Variants in ZDHHC14 observed in about 807,000 individuals in gnomAD.
ZDHHC14 encodes the protein palmitoyltransferase ZDHHC14.
Under a neutral mutation model 47.7 loss-of-function variants are expected in ZDHHC14, and 16 were observed. The observed-to-expected ratio is 0.34, with a 90% confidence interval of 0.23 to 0.51. The LOEUF is 0.51. Ranked by LOEUF, ZDHHC14 falls within the 20% of genes least tolerant of loss-of-function variation. The probability of loss-of-function intolerance (pLI) is 0.97; values close to 1 mark genes in which losing one functional copy is unlikely to be tolerated. For missense variants in ZDHHC14, 515 were observed against 662.5 expected (o/e 0.78, Z 2.44); for synonymous variants, 293 against 278.9 (o/e 1.05, Z -0.50).
intron 5 of ZDHHC14, among the ~76,000 whole-genome samples, chr6:157,640,119 C>A (rs1015391096): frequency 6.6e-6 from 1 of 152,214 alleles, no homozygotes; most frequent in African/African-American, 2.4e-5. Context: ...CCACAGGGGC[C>A]CTGGGCCTCC....
At chr6:157,622,340 G>A (rs1168283605) in intron 3 of ZDHHC14, among the ~76,000 whole-genome samples, 2 of 151,964 alleles carry the variant, frequency 1.3e-5, no homozygotes, top group East Asian at 1.9e-4. Context: ...GCAATGAGCC[G>A]AGATCATACC....
At chr6:157,492,189 A>G in intron 1 of ZDHHC14, among the ~76,000 whole-genome samples, 1 of 119,154 alleles carries the variant, frequency 8.4e-6, no homozygotes, top group African/African-American at 3.6e-5. Context: ...GACCCTCAAC[A>G]TCCCCCCTCC....
intron 1 of ZDHHC14, among the ~76,000 whole-genome samples, chr6:157,418,435 T>A (rs1171576951): frequency 1.3e-5 from 2 of 152,216 alleles, no homozygotes; most frequent in Non-Finnish European, 2.9e-5. Context: ...AAGCTGAGTG[T>A]GTTGCACTTT....
intron 2 of ZDHHC14, among the ~76,000 whole-genome samples, chr6:157,576,420 A>G (rs1783312292): frequency 6.6e-6 from 1 of 152,226 alleles, no homozygotes; most frequent in African/African-American, 2.4e-5. Flanking sequence ...ATCATTGTTA[A>G]TATTTTCCTG....
intron 5 of ZDHHC14, among the ~76,000 whole-genome samples, chr6:157,642,037 G>GATAGATAT (rs1554277122): frequency 2.0e-5 from 3 of 147,854 alleles, no homozygotes; most frequent in African/African-American, 7.6e-5. Context: ...TAGATAGATA[G>GATAGATAT]ATAGATAGAT....
chr6:157,653,635 T>C lies in ZDHHC14; in HGVS notation c.1068+8T>C. 6.2e-7 allele frequency: 1 copy of C among 1,611,138 alleles called. No individual in the cohort carries two copies. Among genetic ancestry groups the C allele is most frequent in the East Asian group, 2.2e-5 (1 of 44,822 alleles). ...CAGTCACAGAGTGACATGGTAGGAG[T>C]GGGGGCCACTGCTCCCTGCGAGGGC... On this transcript the variant is annotated splice_region_variant and intron_variant, in intron 8 of 8. Transcript: ENST00000359775.
At chr6:157,482,260 CTTT>C (rs1231434907) in intron 1 of ZDHHC14, among the ~76,000 whole-genome samples, 6 of 127,542 alleles carry the variant, frequency 4.7e-5, no homozygotes, top group Admixed American at 8.3e-5. Flanking sequence ...CTTTTCTTTT[CTTT>C]TTTTTTTTTT....
chr6:157,652,922 G>A (rs554283890), intron 7 of ZDHHC14, among the ~76,000 whole-genome samples: 1 of 152,324 alleles, frequency 6.6e-6, no homozygotes, highest in Admixed American at 6.5e-5. Context: ...GGGGAGAGAG[G>A]AGGAAGGGGG....
chr6:157,647,787 A>G (rs1562527792), intron 7 of ZDHHC14, among the ~76,000 whole-genome samples: 1 of 152,226 alleles, frequency 6.6e-6, no homozygotes, highest in Non-Finnish European at 1.5e-5. Flanking sequence ...AGAAATGTTC[A>G]TAGGGAGAAA....
intron 1 of ZDHHC14, among the ~76,000 whole-genome samples, chr6:157,488,535 A>G (rs1779835973): frequency 6.6e-6 from 1 of 152,214 alleles, no homozygotes; most frequent in Admixed American, 6.5e-5. Flanking sequence ...TACCCTTTTT[A>G]GGGGTACTTT....
At position 157,675,003 on chromosome 6, in the gene ZDHHC14, G is replaced by A. The variant is rs1324616272; in HGVS notation, c.*1881G>A. On this transcript the variant is annotated 3_prime_UTR_variant, in exon 9 of 9. Coordinates refer to ENST00000359775, the MANE Select transcript of ZDHHC14 (RefSeq NM_024630.3). The stretch of plus-strand genomic sequence containing the variant: ...ACACGCTCACAGGCACCAACTCACA[G>A]GGATTCTCCTTGTCCACGCTACCTG... 1 of 152,236 alleles carries A rather than the reference G, an allele frequency of 6.6e-6. No individual in the cohort carries two copies. The highest frequency in any genetic ancestry group is 1.5e-5 in the Non-Finnish European group (1 of 68,062). 9.4% of individuals were successfully genotyped at this position (152,236 alleles called of 1,614,324 possible). A position where few individuals can be genotyped will look rare whatever the true frequency, so the allele number is the denominator to read the frequency against.
chr6:157,603,604 C>T lies in ZDHHC14; in HGVS notation c.565+10458C>T, dbSNP rs145260362. ...GTAGGCAGCTGTTGTCTGATGATGC[C>T]GTATTACAAGCACCCTCAAAAACCT... is the stretch of plus-strand genomic sequence containing the variant. On this transcript the variant is annotated intron_variant, in intron 3 of 8. Transcript: ENST00000359775. 7.1e-4 allele frequency among the ~76,000 whole-genome samples: 108 copies of T among 152,226 alleles called. 1 individual carries two copies. Among genetic ancestry groups the T allele is most frequent in the African/African-American group, 2.5e-3 (105 of 41,528 alleles).
chr6:157,485,222 G>A (rs1779749096), intron 1 of ZDHHC14, among the ~76,000 whole-genome samples: 1 of 152,184 alleles, frequency 6.6e-6, no homozygotes, highest in Non-Finnish European at 1.5e-5. Flanking sequence ...CAACAGCATT[G>A]GGAGGTTTGG....
chr6:157,473,227 C>T (rs1779395263), intron 1 of ZDHHC14, among the ~76,000 whole-genome samples: 1 of 152,190 alleles, frequency 6.6e-6, no homozygotes, highest in African/African-American at 2.4e-5. Flanking sequence ...TTGTTATTAA[C>T]TCTAGTCGTC....
chr6:157,458,848 G>GTTTTTTTTTTTTTTT (rs1778990291), intron 1 of ZDHHC14, among the ~76,000 whole-genome samples: 3 of 68,776 alleles, frequency 4.4e-5, no homozygotes, highest in African/African-American at 1.1e-4. Flanking sequence ...AATGTGGGTG[G>GTTTTTTTTTTTTTTT]ATTTTTTTTT....
intron 3 of ZDHHC14, among the ~76,000 whole-genome samples, chr6:157,623,194 C>T (rs111573442): frequency 0.031 from 4,790 of 152,276 alleles, 144 homozygotes; most frequent in African/African-American, 0.088. Flanking sequence ...ACCCAAATCT[C>T]ATCCTTAATT....
chr6:157,656,599 G>A (rs898903352), intron 8 of ZDHHC14, among the ~76,000 whole-genome samples: 1 of 151,560 alleles, frequency 6.6e-6, no homozygotes, highest in South Asian at 2.1e-4. Context: ...GCCTCCCAAA[G>A]TGATAGGATT....
intron 3 of ZDHHC14, among the ~76,000 whole-genome samples, chr6:157,610,598 G>T (rs550924701): frequency 6.6e-6 from 1 of 152,246 alleles, no homozygotes; most frequent in South Asian, 2.1e-4. Flanking sequence ...ATGGAGGGAG[G>T]GGCTACACAT....
Position 157,592,941 on chromosome 6 carries a change from G to A in ZDHHC14, c.407-47G>A, listed in dbSNP as rs1000350093. ...CAGGCGGACGGGTCCCGCCGAGGCA[G>A]AGGGAGGCTCTGAAGGTGTGCGCTC... is the stretch of plus-strand genomic sequence containing the variant. On this transcript the variant is annotated intron_variant, in intron 2 of 8. Transcript: ENST00000359775. 3.2e-6 allele frequency: 5 copies of A among 1,555,660 alleles called. No individual in the cohort carries two copies. In the African/African-American group the frequency reaches 6.9e-5, roughly 22 times the overall value.
Sources: allele counts gnomAD v4.1 joint callset (sites outside exome capture counted in the v4.1 genomes callset), GRCh38; gene constraint gnomAD v4.1.1; transcripts MANE v1.5; gene names NCBI Gene and HGNC (gene_info 2026-07-23, HGNC 2026-07-21).